XKR4: variants seen among roughly 807,000 people sequenced by gnomAD.
XKR4 encodes XK related 4, also known as XK-related protein 4.
A neutral mutation model predicts 53.9 loss-of-function variants in XKR4; 12 were observed. That is an observed-to-expected ratio of 0.22 (90% CI 0.14 to 0.36). The LOEUF (loss-of-function observed/expected upper bound fraction) is 0.36, where lower values mean the gene tolerates loss of function less well. Among genes scored for constraint, XKR4 ranks in the 10% least tolerant of loss-of-function variants. The probability of loss-of-function intolerance (pLI) is 1.00; values close to 1 mark genes in which losing one functional copy is unlikely to be tolerated. For missense variants in XKR4, 799 were observed against 859.5 expected, an observed-to-expected ratio of 0.93 and a Z score of 0.88; for synonymous variants, 354 against 362.4, an observed-to-expected ratio of 0.98 and a Z score of 0.26.
chr8:55,202,162 G>A (rs1438538797), intron 1 of XKR4, among the ~76,000 whole-genome samples: 2 of 152,184 alleles, frequency 1.3e-5, no homozygotes, highest in African/African-American at 2.4e-5. Context: ...CAAATTTGAA[G>A]GGCACTTGAT....
At chr8:55,237,600 ACAT>A (rs1818151549) in intron 1 of XKR4, among the ~76,000 whole-genome samples, 1 of 152,182 alleles carries the variant, frequency 6.6e-6, no homozygotes, top group Non-Finnish European at 1.5e-5. Flanking sequence ...CAGTTCAAGC[ACAT>A]GTTGTTCAAG....
intron 1 of XKR4, among the ~76,000 whole-genome samples, chr8:55,347,620 A>G (rs1479062433): frequency 1.3e-5 from 2 of 152,212 alleles, no homozygotes; most frequent in African/African-American, 4.8e-5. Context: ...TAAGGAAAGC[A>G]AGTGTCTTGT....
intron 1 of XKR4, among the ~76,000 whole-genome samples, chr8:55,230,117 C>G (rs1424103507): frequency 6.6e-6 from 1 of 152,142 alleles, no homozygotes; most frequent in Non-Finnish European, 1.5e-5. Context: ...CACTAAAGAA[C>G]AATTAATTTT....
chr8:55,308,987 GT>G (rs1819351333), intron 1 of XKR4, among the ~76,000 whole-genome samples: 1 of 152,152 alleles, frequency 6.6e-6, no homozygotes, highest in Non-Finnish European at 1.5e-5. Flanking sequence ...GGCCTACCCT[GT>G]TTTTGCTGGT....
intron 2 of XKR4, among the ~76,000 whole-genome samples, chr8:55,376,783 T>G (rs1359138618): frequency 6.6e-6 from 1 of 152,208 alleles, no homozygotes; most frequent in Non-Finnish European, 1.5e-5. Flanking sequence ...TTTAATGATG[T>G]TAGAGGCAGT....
At chr8:55,219,870 AT>A (rs1456274434) in intron 1 of XKR4, among the ~76,000 whole-genome samples, 9 of 152,084 alleles carry the variant, frequency 5.9e-5, no homozygotes, top group Non-Finnish European at 1.0e-4. Context: ...AAAACTGGAA[AT>A]TTCTCCTATG....
chr8:55,287,316 C>T (rs1417894875), intron 1 of XKR4, among the ~76,000 whole-genome samples: 1 of 152,106 alleles, frequency 6.6e-6, no homozygotes, highest in African/African-American at 2.4e-5. Flanking sequence ...AAAGCAACCT[C>T]ATATGGGAGC....
intron 1 of XKR4, among the ~76,000 whole-genome samples, chr8:55,261,376 T>C (rs2129371164): frequency 6.6e-6 from 1 of 152,356 alleles, no homozygotes; most frequent in African/African-American, 2.4e-5. Context: ...TCAAGATAAC[T>C]TAAAATATGT....
At chr8:55,504,940 C>CT (rs1051703235) in intron 2 of XKR4, among the ~76,000 whole-genome samples, 44 of 151,134 alleles carry the variant, frequency 2.9e-4, no homozygotes, top group Admixed American at 1.2e-3. Flanking sequence ...AATTGAGGTT[C>CT]TTTTTTTTTC....
At chr8:55,195,362 G>A (rs1265642765) in intron 1 of XKR4, among the ~76,000 whole-genome samples, 1 of 140,516 alleles carries the variant, frequency 7.1e-6, no homozygotes, top group Admixed American at 7.2e-5. Context: ...ATTTTAGTTT[G>A]TATACATACC....
intron 2 of XKR4, among the ~76,000 whole-genome samples, chr8:55,434,115 T>G (rs1365722853): frequency 6.6e-6 from 1 of 152,174 alleles, no homozygotes; most frequent in African/African-American, 2.4e-5. Flanking sequence ...TTTTAAAAGT[T>G]TACTTATTAA....
intron 1 of XKR4, among the ~76,000 whole-genome samples, chr8:55,125,359 C>T (rs1177597914): frequency 1.3e-5 from 2 of 151,994 alleles, no homozygotes; most frequent in Non-Finnish European, 1.5e-5. Flanking sequence ...CTCGGCCTCC[C>T]GAGTAGCTGG....
intron 1 of XKR4, among the ~76,000 whole-genome samples, chr8:55,284,933 C>A (rs1454676394): frequency 2.6e-5 from 4 of 152,168 alleles, no homozygotes; most frequent in Non-Finnish European, 5.9e-5. Flanking sequence ...AGAACCCTAC[C>A]CTCTGCCAGT....
intron 2 of XKR4, chr8:55,452,575 C>T (rs1202667941): frequency 2.4e-6 from 2 of 839,212 alleles, no homozygotes; most frequent in Non-Finnish European, 4.0e-6. Context: ...CTCCGGTTCT[C>T]CCGCTGCACC....
intron 1 of XKR4, among the ~76,000 whole-genome samples, chr8:55,354,394 A>G (rs1234436752): frequency 6.6e-6 from 1 of 152,226 alleles, no homozygotes; most frequent in East Asian, 1.9e-4. Flanking sequence ...ACTGAGGAGA[A>G]TCTGCTGGGA....
chr8:55,293,682 T>TA (rs1477359276), intron 1 of XKR4, among the ~76,000 whole-genome samples: 1 of 152,182 alleles, frequency 6.6e-6, no homozygotes, highest in Non-Finnish European at 1.5e-5. Context: ...TACCCATTTT[T>TA]AAGGAAAATA....
intron 1 of XKR4, among the ~76,000 whole-genome samples, chr8:55,262,603 C>T (rs115162283): frequency 0.011 from 1,703 of 152,290 alleles, 32 homozygotes; most frequent in African/African-American, 0.038. Context: ...AGAAGACAAC[C>T]GTCTGTAAAC....
At chr8:55,128,081 C>T (rs961756129) in intron 1 of XKR4, among the ~76,000 whole-genome samples, 2 of 152,034 alleles carry the variant, frequency 1.3e-5, no homozygotes, top group Non-Finnish European at 2.9e-5. Context: ...TTTATAATCC[C>T]TTGGGTATAT....
intron 1 of XKR4, among the ~76,000 whole-genome samples, chr8:55,274,605 G>A (rs1218901800): frequency 6.6e-6 from 1 of 152,014 alleles, no homozygotes; most frequent in Non-Finnish European, 1.5e-5. Flanking sequence ...GCTAATGTTT[G>A]TATTTTCAGT....
Sources: allele counts gnomAD v4.1 joint callset (sites outside exome capture counted in the v4.1 genomes callset), GRCh38; gene constraint gnomAD v4.1.1; transcripts MANE v1.5; gene names NCBI Gene and HGNC (gene_info 2026-07-23, HGNC 2026-07-21).